Variants in LRP1B observed in about 807,000 individuals in gnomAD.
LRP1B encodes the protein low-density lipoprotein receptor-related protein 1B.
A neutral mutation model predicts 556.6 loss-of-function variants in LRP1B; 217 were observed. The observed-to-expected ratio is 0.39, with a 90% CI of 0.35 to 0.44. The LOEUF (loss-of-function observed/expected upper bound fraction) is 0.44. Among genes scored for constraint, LRP1B ranks in the 20% least tolerant of loss-of-function variants. LRP1B has a pLI of 1.00. For synonymous variants in LRP1B, 2,047 were observed against 1,865.8 expected, an observed-to-expected ratio of 1.10 and a Z score of -2.50; for missense variants, 5,053 against 5,620.8, an observed-to-expected ratio of 0.90 and a Z score of 3.23.
rs559725335 is a variant in LRP1B, at chr2:140,949,797, G to A, written c.3136+438C>T. Among the ~76,000 whole-genome samples, 10 of 151,696 alleles carry A rather than the reference G, an allele frequency of 6.6e-5. No homozygotes were observed. The East Asian group carries it at 1.8e-3, about 27-fold the overall frequency. ...CTACTAAAAATACAAAAAATTAGCC[G>A]GGCATGGTGGCAGGTGCCTGTAGTC... On this transcript the variant is annotated intron_variant, in intron 20 of 90. Coordinates refer to ENST00000389484, the MANE Select transcript of LRP1B (RefSeq NM_018557.3).
At chr2:141,041,693 C>T (rs1698703346) in intron 11 of LRP1B, among the ~76,000 whole-genome samples, 1 of 152,076 alleles carries the variant, frequency 6.6e-6, no homozygotes, top group African/African-American at 2.4e-5. Context: ...ATGGTTAACA[C>T]TAATTTGGTG....
chr2:141,568,764 T>C (rs1320033475), intron 2 of LRP1B, among the ~76,000 whole-genome samples: 1 of 151,232 alleles, frequency 6.6e-6, no homozygotes, highest in East Asian at 1.9e-4. Context: ...TTAGTTTAGT[T>C]AGTTTTTGAG....
chr2:141,611,730 T>C (rs912482366), intron 2 of LRP1B, among the ~76,000 whole-genome samples: 3 of 152,198 alleles, frequency 2.0e-5, no homozygotes, highest in African/African-American at 7.2e-5. Context: ...CCAGGCAGAA[T>C]GGTTAACACA....
In LRP1B at chr2:140,968,864, T is replaced by C. The variant is rs755245775; in HGVS notation, c.2887+13296A>G. Among the ~76,000 whole-genome samples, 11 of 152,324 alleles carry C rather than the reference T, an allele frequency of 7.2e-5. 1 individual carries two copies. Among genetic ancestry groups the C allele is most frequent in the Middle Eastern group, 3.4e-3 (1 of 294 alleles). On this transcript the variant is annotated intron_variant, in intron 18 of 90. Transcript: ENST00000389484. ...TTTGAGTGAGTTTCTTAATCCTGAG[T>C]TCTACTTTGATTGCACTGTGGTCTG...
chr2:141,065,052 C>T (rs1315716364), intron 7 of LRP1B, among the ~76,000 whole-genome samples: 1 of 151,790 alleles, frequency 6.6e-6, no homozygotes, highest in African/African-American at 2.4e-5. Context: ...TAGTCTTTGC[C>T]GGAGCCATAA....
chr2:140,630,164 A>C (rs1683827830), intron 41 of LRP1B, among the ~76,000 whole-genome samples: 1 of 152,118 alleles, frequency 6.6e-6, no homozygotes, highest in Non-Finnish European at 1.5e-5. Context: ...CCTACCCCAG[A>C]CCTACTTAAT....
intron 1 of LRP1B, among the ~76,000 whole-genome samples, chr2:142,063,571 T>C (rs1388275911): frequency 6.6e-6 from 1 of 151,616 alleles, no homozygotes; most frequent in East Asian, 1.9e-4. Context: ...TAACAGATCT[T>C]TTCTAATTCC....
At chr2:141,175,018 T>C (rs1482537961) in intron 7 of LRP1B, among the ~76,000 whole-genome samples, 1 of 152,098 alleles carries the variant, frequency 6.6e-6, no homozygotes, top group Admixed American at 6.6e-5. Context: ...GCCCTGGAGA[T>C]TTGTGGAACT....
chr2:140,553,392 A>T (rs2105056692), intron 43 of LRP1B, among the ~76,000 whole-genome samples: 1 of 150,592 alleles, frequency 6.6e-6, no homozygotes, highest in East Asian at 2.0e-4. Context: ...TTGATCTAAA[A>T]TATTCCTTTA....
At chr2:141,518,923 C>G (rs984429858) in intron 2 of LRP1B, among the ~76,000 whole-genome samples, 5 of 151,954 alleles carry the variant, frequency 3.3e-5, no homozygotes, top group African/African-American at 1.2e-4. Context: ...GCACTCCAGC[C>G]TGGACAACAA....
intron 2 of LRP1B, among the ~76,000 whole-genome samples, chr2:141,702,208 G>A (rs1691965064): frequency 6.6e-6 from 1 of 151,852 alleles, no homozygotes; most frequent in Non-Finnish European, 1.5e-5. Context: ...GGCTTAGGTA[G>A]AAGTTTTTGT....
intron 90 of LRP1B, among the ~76,000 whole-genome samples, chr2:140,234,196 A>G (rs565443502): frequency 6.6e-6 from 1 of 151,416 alleles, no homozygotes; most frequent in East Asian, 2.0e-4. Context: ...TTGATGGGAA[A>G]GACGATAAGG....
At chr2:141,208,592 C>T (rs183792570) in intron 6 of LRP1B, among the ~76,000 whole-genome samples, 19 of 151,868 alleles carry the variant, frequency 1.3e-4, no homozygotes, top group African/African-American at 3.6e-4. Context: ...AGTGGCTGGG[C>T]GCGGGGGGCT....
intron 1 of LRP1B, among the ~76,000 whole-genome samples, chr2:141,953,482 C>A (rs920690060): frequency 1.9e-4 from 29 of 152,094 alleles, no homozygotes; most frequent in African/African-American, 6.3e-4. Flanking sequence ...AACTAAATAA[C>A]AAACACCCCT....
intron 2 of LRP1B, among the ~76,000 whole-genome samples, chr2:141,654,790 TAAGAA>T (rs1475137707): frequency 6.6e-6 from 1 of 152,146 alleles, no homozygotes; most frequent in Non-Finnish European, 1.5e-5. Flanking sequence ...AATTCTCTTT[TAAGAA>T]TAGAAGTACT....
At chr2:141,170,594 A>C (rs1023666881) in intron 7 of LRP1B, among the ~76,000 whole-genome samples, 1 of 152,124 alleles carries the variant, frequency 6.6e-6, no homozygotes, top group Non-Finnish European at 1.5e-5. Context: ...GCATGGGAAA[A>C]TAGAAACCCT....
intron 2 of LRP1B, among the ~76,000 whole-genome samples, chr2:141,494,784 G>C (rs1184802146): frequency 6.8e-6 from 1 of 146,684 alleles, no homozygotes; most frequent in Non-Finnish European, 1.5e-5. Flanking sequence ...GGTTTATTTA[G>C]AGTAAAAGAA....
At chr2:141,485,920 T>C (rs1467189822) in intron 2 of LRP1B, among the ~76,000 whole-genome samples, 2 of 152,140 alleles carry the variant, frequency 1.3e-5, no homozygotes, top group African/African-American at 4.8e-5. Context: ...CTGGTAAACC[T>C]GGCATTACCT....
rs1374418240 is a variant in LRP1B at position 141,061,814 on chromosome 2, T to C, written c.1236+237A>G. On this transcript the variant is annotated intron_variant, in intron 8 of 90. Transcript: ENST00000389484. ...TTTGTCTTTGTTGTTTTGTTTTTTG[T>C]TTACTTGTTTTCTCTGTTTTTAATA... Among the ~76,000 whole-genome samples, 4 of 151,840 alleles carry C rather than the reference T, an allele frequency of 2.6e-5. No individual in the cohort carries two copies. In the East Asian group the frequency reaches 7.8e-4, roughly 30 times the overall value.
Sources: allele counts gnomAD v4.1 joint callset (sites outside exome capture counted in the v4.1 genomes callset), GRCh38; gene constraint gnomAD v4.1.1; transcripts MANE v1.5; gene names NCBI Gene and HGNC (gene_info 2026-07-23, HGNC 2026-07-21).